PSMB2: variants seen among roughly 807,000 people sequenced by gnomAD.
PSMB2 encodes the protein proteasome subunit beta type-2.
In PSMB2, 13 loss-of-function variants were observed where a neutral mutation model predicts 25.7. That is an observed-to-expected ratio of 0.51 (90% confidence interval 0.33 to 0.80). The LOEUF (loss-of-function observed/expected upper bound fraction) is 0.80. PSMB2 is among the 30% of genes least tolerant of loss of function. The pLI is 0.02. For synonymous variants in PSMB2, 87 were observed against 96.2 expected, an observed-to-expected ratio of 0.90 and a Z score of 0.56; for missense variants, 202 against 259.0, an observed-to-expected ratio of 0.78 and a Z score of 1.51.
Position 35,618,473 on chromosome 1 carries a change from G to A in PSMB2, c.286-9065C>T, listed in dbSNP as rs372390996. 1.3e-4 allele frequency among the ~76,000 whole-genome samples: 20 copies of A among 152,052 alleles called. No individual in the cohort carries two copies. The East Asian group carries it at 2.5e-3, about 19-fold the overall frequency. ...AGAAAGTAAAGAAAATGATTACAAC[G>A]GGACACTATGGCAAAGGTATACCTA... On this transcript the variant is annotated intron_variant, in intron 3 of 5. Coordinates refer to ENST00000373237, the MANE Select transcript of PSMB2 (RefSeq NM_002794.5).
intron 3 of PSMB2, among the ~76,000 whole-genome samples, chr1:35,628,593 AAAAATATATATATATATATATATATATAT>A (rs1479892838): frequency 1.1e-4 from 3 of 27,230 alleles, no homozygotes; most frequent in African/African-American, 5.4e-4. Flanking sequence ...AAAAAAAAAA[AAAAATATATATATATATATATATATATAT>A]ATATATATAT....
In PSMB2 at chr1:35,622,037, C is replaced by T. The variant is rs189155892; in HGVS notation, c.285+9237G>A. 3.1e-3 allele frequency among the ~76,000 whole-genome samples: 470 copies of T among 152,178 alleles called. 3 individuals are homozygous for T. Among genetic ancestry groups the T allele is most frequent in the African/African-American group, 0.011 (447 of 41,526 alleles). ...AAAGCATAAAATATACATGGTATAGCGAATGAACATAGTAAATATACACGT... is the reference window on the plus strand; with the variant it reads ...AAAGCATAAAATATACATGGTATAGTGAATGAACATAGTAAATATACACGT... On this transcript the variant is annotated intron_variant, in intron 3 of 5. Transcript: ENST00000373237.
chr1:35,602,995 C>T lies in PSMB2; in HGVS notation c.*272G>A, dbSNP rs760779269. 1.9e-4 allele frequency: 213 copies of T among 1,127,432 alleles called. No homozygotes were observed. The highest frequency in any genetic ancestry group is 2.2e-4 in the Non-Finnish European group (204 of 919,148). The allele number at this position is 1,127,432 out of a possible 1,614,324, so 69.8% of individuals were successfully genotyped here. A position where few individuals can be genotyped will look rare whatever the true frequency, so the allele number is the denominator to read the frequency against. ...AAAGGAAGCCAAGCATGGAGTAGAA[C>T]GTGGGGCCGTCAGCTGCTAAAGGGT... On this transcript the variant is annotated 3_prime_UTR_variant, in exon 6 of 6. Coordinates refer to ENST00000373237, the MANE Select transcript of PSMB2 (RefSeq NM_002794.5).
chr1:35,607,338 G>A (rs1650198422), intron 4 of PSMB2, among the ~76,000 whole-genome samples: 1 of 151,944 alleles, frequency 6.6e-6, no homozygotes, highest in South Asian at 2.1e-4. Flanking sequence ...TCTCAATAGA[G>A]AACAAAAATT....
chr1:35,638,887 CAGA>C (rs1215858115), intron 1 of PSMB2, among the ~76,000 whole-genome samples: 1 of 152,142 alleles, frequency 6.6e-6, no homozygotes, highest in African/African-American at 2.4e-5. Context: ...AAAGGAGTCC[CAGA>C]AGGTTACTAT....
At chr1:35,610,983 GGAT>G (rs1452858549) in intron 3 of PSMB2, among the ~76,000 whole-genome samples, 2 of 152,100 alleles carry the variant, frequency 1.3e-5, no homozygotes, top group Admixed American at 1.3e-4. Context: ...ATCTCCAAAT[GGAT>G]GATTTTTTTT....
rs547235373 is a variant in PSMB2 at position 35,624,891 on chromosome 1, T to C, written c.285+6383A>G. The stretch of plus-strand genomic sequence containing the variant: ...TCCTGGCTAACACGATGAAACCCCG[T>C]CTCTACTAAAAATACACAAATTAGC... On this transcript the variant is annotated intron_variant, in intron 3 of 5. Transcript: ENST00000373237. Among the ~76,000 whole-genome samples, 4 of 151,710 alleles carry C rather than the reference T, an allele frequency of 2.6e-5. No individual in the cohort carries two copies. The South Asian group carries it at 8.4e-4, about 32-fold the overall frequency.
chr1:35,603,003 C>G lies in PSMB2; in HGVS notation c.*264G>C. ...CCAAGCATGGAGTAGAACGTGGGGC[C>G]GTCAGCTGCTAAAGGGTACTGAGCG... On this transcript the variant is annotated 3_prime_UTR_variant, in exon 6 of 6. Transcript: ENST00000373237. 1 of 1,142,654 alleles carries G rather than the reference C, an allele frequency of 8.8e-7. No individual in the cohort carries two copies. Among genetic ancestry groups the G allele is most frequent in the Non-Finnish European group, 1.1e-6 (1 of 928,752 alleles). The allele number at this position is 1,142,654 out of a possible 1,614,324, so 70.8% of individuals were successfully genotyped here. A position where few individuals can be genotyped will look rare whatever the true frequency, so the allele number is the denominator to read the frequency against.
At chr1:35,628,593 AAAAATATATATATATATATATATAT>A (rs1187460000) in intron 3 of PSMB2, among the ~76,000 whole-genome samples, 1 of 27,230 alleles carries the variant, frequency 3.7e-5, no homozygotes, top group Non-Finnish European at 5.5e-5. Context: ...AAAAAAAAAA[AAAAATATATATATATATATATATAT>A]ATATATATAT....
chr1:35,626,762 A>G (rs1168499642), intron 3 of PSMB2, among the ~76,000 whole-genome samples: 12 of 152,244 alleles, frequency 7.9e-5, no homozygotes, highest in Admixed American at 3.3e-4. Flanking sequence ...ACTTAATAAC[A>G]GATACATATG....
rs1371108779 is a variant in PSMB2, at chr1:35,601,568, A to C, written c.*1699T>G. On this transcript the variant is annotated 3_prime_UTR_variant, in exon 6 of 6. Coordinates refer to ENST00000373237, the MANE Select transcript of PSMB2 (RefSeq NM_002794.5). Reference sequence around the variant, plus strand: ...TTATCATTGGCGTATTAAATAGTGTATAAGACACCCAAATCTAATGTTAAC... The same window carrying C: ...TTATCATTGGCGTATTAAATAGTGTCTAAGACACCCAAATCTAATGTTAAC... 3 of 985,132 alleles carry C rather than the reference A, an allele frequency of 3.0e-6. No homozygotes were observed. The highest frequency in any genetic ancestry group is 1.7e-5 in the African/African-American group (1 of 57,242). 61.0% of individuals were successfully genotyped at this position (985,132 alleles called of 1,614,324 possible). A position where few individuals can be genotyped will look rare whatever the true frequency, so the allele number is the denominator to read the frequency against.
At chr1:35,607,805 G>T (rs530592543) in intron 4 of PSMB2, among the ~76,000 whole-genome samples, 1 of 152,082 alleles carries the variant, frequency 6.6e-6, no homozygotes, top group African/African-American at 2.4e-5. Flanking sequence ...CTAGGTGTCC[G>T]AGAACAGATC....
At chr1:35,618,185 T>C (rs1391447934) in intron 3 of PSMB2, among the ~76,000 whole-genome samples, 1 of 151,700 alleles carries the variant, frequency 6.6e-6, no homozygotes, top group African/African-American at 2.4e-5. Context: ...AAATATGAGA[T>C]ATATTTAGAA....
chr1:35,614,975 A>G (rs1227587732), intron 3 of PSMB2, among the ~76,000 whole-genome samples: 1 of 152,228 alleles, frequency 6.6e-6, no homozygotes, highest in Non-Finnish European at 1.5e-5. Context: ...TCATCTGTAT[A>G]ATAAGGATAA....
chr1:35,603,195 G>GA lies in PSMB2; in HGVS notation c.*71dup. ...TTAACCATTTATCAAGAGTGCGCCT[G>GA]AAAAGAGTAGAAAAAAATAAAGGAG... On this transcript the variant is annotated 3_prime_UTR_variant, in exon 6 of 6. Transcript: ENST00000373237. 6.4e-7 allele frequency: 1 copy of GA among 1,565,172 alleles called. No homozygotes were observed. The highest frequency in any genetic ancestry group is 8.6e-7 in the Non-Finnish European group (1 of 1,161,446).
chr1:35,625,761 CA>C (rs113858421), intron 3 of PSMB2, among the ~76,000 whole-genome samples: 95 of 125,126 alleles, frequency 7.6e-4, no homozygotes, highest in Non-Finnish European at 5.7e-4. Context: ...GACTCCGTCT[CA>C]AAAAAAAAAA....
intron 3 of PSMB2, among the ~76,000 whole-genome samples, chr1:35,619,668 CAA>C (rs1650620694): frequency 6.6e-6 from 1 of 152,160 alleles, no homozygotes; most frequent in African/African-American, 2.4e-5. Flanking sequence ...TCAGTAATTC[CAA>C]AGTTACTATA....
At chr1:35,631,622 A>T (rs531023161) in intron 2 of PSMB2, 1 of 588,434 alleles carries the variant, frequency 1.7e-6, no homozygotes, top group Non-Finnish European at 2.4e-6. Flanking sequence ...TCATTCATCA[A>T]CACACTGTGG....
chr1:35,613,922 G>A (rs548016002), intron 3 of PSMB2, among the ~76,000 whole-genome samples: 37 of 152,316 alleles, frequency 2.4e-4, no homozygotes, highest in African/African-American at 8.2e-4. Flanking sequence ...GCCCGAAACA[G>A]TAAAGACTCT....
Sources: allele counts gnomAD v4.1 joint callset (sites outside exome capture counted in the v4.1 genomes callset), GRCh38; gene constraint gnomAD v4.1.1; transcripts MANE v1.5; gene names NCBI Gene and HGNC (gene_info 2026-07-23, HGNC 2026-07-21).